TMEM233: variants seen among roughly 807,000 people sequenced by gnomAD.
TMEM233 encodes the protein transmembrane protein 233.
A neutral mutation model predicts 11.2 loss-of-function variants in TMEM233; 6 were observed. That is an observed-to-expected ratio of 0.54 (90% CI 0.29 to 1.06). The LOEUF is 1.06. TMEM233 is among the 50% of genes least tolerant of loss of function. The pLI is 0.08. For missense variants in TMEM233, 127 were observed against 144.7 expected (o/e 0.88, Z 0.63); for synonymous variants, 59 against 55.8 (o/e 1.06, Z -0.26).
At chr12:119,628,845 T>C (rs1192298628) in intron 1 of TMEM233, among the ~76,000 whole-genome samples, 1 of 152,086 alleles carries the variant, frequency 6.6e-6, no homozygotes, top group Non-Finnish European at 1.5e-5. Context: ...TCAAAAAACT[T>C]CCCAGGCTAG....
In TMEM233 at chr12:119,626,484, A is replaced by AAAAAG. The variant is rs566339529; in HGVS notation, c.187-3250_187-3249insAAGAA. Among the ~76,000 whole-genome samples the AAAAAG allele has an allele frequency of 5.6e-3, 634 of 112,572 alleles. 69 individuals carry two copies. Among genetic ancestry groups the AAAAAG allele is most frequent in the African/African-American group, 0.017 (476 of 28,132 alleles). 73.9% of individuals were successfully genotyped at this position (112,572 alleles called of 152,430 possible). A position where few individuals can be genotyped will look rare whatever the true frequency, so the allele number is the denominator to read the frequency against. ...GACTCCGTCTCCGGAAAAAAAAAAAAAAGAAGAAAAAGGAGGAGGAGGAGG... is the reference window on the plus strand; with the variant it reads ...GACTCCGTCTCCGGAAAAAAAAAAAAAAAAGAAGAAGAAAAAGGAGGAGGAGGAGG... On this transcript the variant is annotated intron_variant, in intron 1 of 2. Transcript: ENST00000426426.
chr12:119,597,270 G>T (rs903749734), intron 1 of TMEM233, among the ~76,000 whole-genome samples: 2 of 152,152 alleles, frequency 1.3e-5, no homozygotes, highest in East Asian at 3.8e-4. Context: ...CAATGATTTG[G>T]GGTGTTACTG....
intron 1 of TMEM233, among the ~76,000 whole-genome samples, chr12:119,627,355 G>T (rs1954785804): frequency 6.6e-6 from 1 of 152,214 alleles, no homozygotes; most frequent in South Asian, 2.1e-4. Context: ...AGTCCATTTT[G>T]CACTGCTATA....
chr12:119,626,464 C>T (rs1200740358), intron 1 of TMEM233, among the ~76,000 whole-genome samples: 2 of 113,690 alleles, frequency 1.8e-5, no homozygotes, highest in South Asian at 3.5e-4. Flanking sequence ...AGCAAGACTC[C>T]GTCTCCGGAA....
intron 1 of TMEM233, among the ~76,000 whole-genome samples, chr12:119,626,451 C>A (rs1384122593): frequency 4.8e-5 from 5 of 104,876 alleles, no homozygotes; most frequent in Admixed American, 1.2e-4. Flanking sequence ...GCCTGGGAAA[C>A]AAAGCAAGAC....
At chr12:119,610,549 G>A (rs1302009868) in intron 1 of TMEM233, among the ~76,000 whole-genome samples, 1 of 152,156 alleles carries the variant, frequency 6.6e-6, no homozygotes, top group Admixed American at 6.5e-5. Flanking sequence ...CTGGTGGGAG[G>A]TAATTGAATC....
chr12:119,601,896 C>T (rs1021246901), intron 1 of TMEM233, among the ~76,000 whole-genome samples: 1 of 152,052 alleles, frequency 6.6e-6, no homozygotes, highest in Admixed American at 6.5e-5. Context: ...ACACAGGATC[C>T]GGAAAAGGGA....
intron 1 of TMEM233, among the ~76,000 whole-genome samples, chr12:119,613,212 C>T (rs1223194411): frequency 5.9e-5 from 4 of 67,904 alleles, no homozygotes; most frequent in Admixed American, 1.6e-4. Context: ...GAAGCCTGTT[C>T]CAAAAAAAAA....
intron 1 of TMEM233, among the ~76,000 whole-genome samples, chr12:119,599,400 G>A (rs945362249): frequency 5.3e-5 from 8 of 151,652 alleles, no homozygotes; most frequent in African/African-American, 1.7e-4. Flanking sequence ...CATGTACCCC[G>A]TAAATGTATA....
intron 1 of TMEM233, among the ~76,000 whole-genome samples, chr12:119,601,940 G>C (rs1954177451): frequency 6.6e-6 from 1 of 152,122 alleles, no homozygotes; most frequent in African/African-American, 2.4e-5. Flanking sequence ...AAATGCTCCT[G>C]AAAACAAGGC....
intron 1 of TMEM233, among the ~76,000 whole-genome samples, chr12:119,618,086 A>G (rs1386602963): frequency 6.6e-6 from 1 of 152,188 alleles, no homozygotes; most frequent in Non-Finnish European, 1.5e-5. Flanking sequence ...TTCAGCCCCA[A>G]CTGTGGCTAA....
At chr12:119,622,551 CAGG>C (rs924709458) in intron 1 of TMEM233, among the ~76,000 whole-genome samples, 2 of 152,084 alleles carry the variant, frequency 1.3e-5, no homozygotes, top group African/African-American at 2.4e-5. Context: ...TCACATCTGC[CAGG>C]AGAACCTCAG....
At chr12:119,637,089 C>G (rs144401089) in intron 2 of TMEM233, among the ~76,000 whole-genome samples, 77 of 152,348 alleles carry the variant, frequency 5.1e-4, no homozygotes, top group Middle Eastern at 3.4e-3. Flanking sequence ...CATCCGTGCT[C>G]ATGATCATTG....
chr12:119,652,054 G>A, the TMEM233 span, among the ~76,000 whole-genome samples: 1 of 152,168 alleles, frequency 6.6e-6, no homozygotes, highest in Non-Finnish European at 1.5e-5. Flanking sequence ...AATGCTTAGT[G>A]TTGAGGAGGA....
At chr12:119,630,973 A>T (rs1954867975) in intron 2 of TMEM233, 1 of 152,178 alleles carries the variant, frequency 6.6e-6, no homozygotes, top group Non-Finnish European at 1.5e-5. Flanking sequence ...GTCCCTCTGG[A>T]CTGGGACAAA....
At chr12:119,649,888 T>G in the TMEM233 span, among the ~76,000 whole-genome samples, 115,901 of 144,896 alleles carry the variant, frequency 0.8, 46,612 homozygotes, top group African/African-American at 0.86. Flanking sequence ...GCCGGGCGCG[T>G]TGGCTCACGC....
At chr12:119,625,903 G>A (rs565449440) in intron 1 of TMEM233, among the ~76,000 whole-genome samples, 3 of 151,916 alleles carry the variant, frequency 2.0e-5, no homozygotes, top group African/African-American at 2.4e-5. Flanking sequence ...CTCTACACTC[G>A]AATTTCCCCA....
At chr12:119,653,753 C>G in the TMEM233 span, among the ~76,000 whole-genome samples, 1 of 151,640 alleles carries the variant, frequency 6.6e-6, no homozygotes, top group Non-Finnish European at 1.5e-5. Flanking sequence ...TAAAAATTAT[C>G]CAAACTGAAG....
intron 1 of TMEM233, among the ~76,000 whole-genome samples, chr12:119,607,760 A>G (rs1954313200): frequency 6.6e-6 from 1 of 151,944 alleles, no homozygotes; most frequent in Non-Finnish European, 1.5e-5. Context: ...GACTACAGGC[A>G]TGCATCACCA....
Sources: allele counts gnomAD v4.1 joint callset (sites outside exome capture counted in the v4.1 genomes callset), GRCh38; gene constraint gnomAD v4.1.1; transcripts MANE v1.5; gene names NCBI Gene and HGNC (gene_info 2026-07-23, HGNC 2026-07-21).